CREB5: variants seen among roughly 807,000 people sequenced by gnomAD.
CREB5 encodes cyclic AMP-responsive element-binding protein 5.
CREB5 carries 19 observed loss-of-function variants against 57.1 expected under a neutral mutation model. The ratio of observed to expected loss-of-function variants is 0.33; its 90% CI spans 0.23 to 0.49. The LOEUF (loss-of-function observed/expected upper bound fraction) is 0.49, where lower values mean the gene tolerates loss of function less well. CREB5 is among the 20% of genes least tolerant of loss of function. The probability of loss-of-function intolerance (pLI) is 0.99; values close to 1 mark genes in which losing one functional copy is unlikely to be tolerated. For synonymous variants in CREB5, 238 were observed against 238.3 expected (o/e 1.00, Z 0.01); for missense variants, 579 against 671.6 (o/e 0.86, Z 1.52).
intron 9 of CREB5, among the ~76,000 whole-genome samples, chr7:28,810,515 A>G (rs1449058357): frequency 1.3e-5 from 2 of 152,078 alleles, no homozygotes; most frequent in Non-Finnish European, 2.9e-5. Context: ...CAAGGTGCAG[A>G]AACCCCGTCT....
intron 6 of CREB5, among the ~76,000 whole-genome samples, chr7:28,723,008 C>T (rs1025159030): frequency 3.3e-5 from 5 of 152,230 alleles, no homozygotes; most frequent in Non-Finnish European, 5.9e-5. Context: ...TCTCAAGCTT[C>T]ACTCTTGTTC....
At chr7:28,690,931 A>G (rs1801216368) in intron 5 of CREB5, among the ~76,000 whole-genome samples, 1 of 152,174 alleles carries the variant, frequency 6.6e-6, no homozygotes, top group South Asian at 2.1e-4. Context: ...GACCATTCTG[A>G]CTAAAGTGAG....
chr7:28,609,626 C>A (rs1470638280), intron 5 of CREB5, among the ~76,000 whole-genome samples: 1 of 152,186 alleles, frequency 6.6e-6, no homozygotes, highest in Non-Finnish European at 1.5e-5. Context: ...AATGAGCTGG[C>A]TTTTCCTTTT....
At chr7:28,582,506 G>C (rs996893860) in intron 5 of CREB5, among the ~76,000 whole-genome samples, 14 of 152,122 alleles carry the variant, frequency 9.2e-5, no homozygotes, top group African/African-American at 3.1e-4. Context: ...TTGTTTTCAA[G>C]GTGTTTCCAT....
intron 4 of CREB5, among the ~76,000 whole-genome samples, chr7:28,569,249 C>G (rs1019673533): frequency 3.3e-5 from 5 of 151,786 alleles, no homozygotes; most frequent in African/African-American, 4.8e-5. Flanking sequence ...ACTGCAGCCT[C>G]AAACTCCTGG....
chr7:28,453,309 C>T lies in CREB5; in HGVS notation c.4-34866C>T, dbSNP rs527366409. 2.6e-4 allele frequency among the ~76,000 whole-genome samples: 39 copies of T among 152,116 alleles called. 2 individuals carry two copies. Among genetic ancestry groups the T allele is most frequent in the African/African-American group, 8.9e-4 (37 of 41,496 alleles). On this transcript the variant is annotated intron_variant, in intron 1 of 10. Coordinates refer to ENST00000357727, the MANE Select transcript of CREB5 (RefSeq NM_182898.4). ...ACAAAATTAGCTGGGCATGGTGGCA[C>T]ACGCCTGTAGTCCTGGCTACTCTGG...
chr7:28,747,721 C>A (rs1431143868), intron 7 of CREB5, among the ~76,000 whole-genome samples: 3 of 152,232 alleles, frequency 2.0e-5, no homozygotes. Context: ...CAGCCTGACA[C>A]AGTGCCTGTC....
chr7:28,412,989 G>A, intron 1 of CREB5, 72 bp downstream of exon 1: 2 of 1,265,276 alleles, frequency 1.6e-6, no homozygotes, highest in South Asian at 4.4e-5. Context: ...AACCAATGTT[G>A]TATTTTCATA....
chr7:28,412,982 C>A, intron 1 of CREB5, 65 bp downstream of exon 1: 2 of 1,293,022 alleles, frequency 1.5e-6, no homozygotes, highest in South Asian at 4.3e-5. Flanking sequence ...TAAATAGAAC[C>A]AATGTTGTAT....
intron 4 of CREB5, among the ~76,000 whole-genome samples, chr7:28,546,209 T>C (rs1562787734): frequency 6.6e-6 from 1 of 152,242 alleles, no homozygotes; most frequent in Non-Finnish European, 1.5e-5. Context: ...CATGTTGTAG[T>C]ATGTGTCAGA....
chr7:28,802,077 T>TGA (rs1808403371), intron 7 of CREB5, among the ~76,000 whole-genome samples: 1 of 10,830 alleles, frequency 9.2e-5, no homozygotes, highest in African/African-American at 2.9e-4. Context: ...AGACTCCATC[T>TGA]GAAAAAAAAA....
intron 5 of CREB5, among the ~76,000 whole-genome samples, chr7:28,578,931 G>C (rs1263435051): frequency 6.6e-6 from 1 of 152,118 alleles, no homozygotes; most frequent in Non-Finnish European, 1.5e-5. Flanking sequence ...CATCCAATTT[G>C]ATCTCAAATT....
intron 5 of CREB5, among the ~76,000 whole-genome samples, chr7:28,596,911 G>A (rs968317909): frequency 6.6e-6 from 1 of 152,108 alleles, no homozygotes; most frequent in African/African-American, 2.4e-5. Flanking sequence ...TTAATGTCAT[G>A]TGAACCTTAG....
chr7:28,530,488 T>C (rs990822199), intron 4 of CREB5, among the ~76,000 whole-genome samples: 2 of 152,148 alleles, frequency 1.3e-5, no homozygotes, highest in Admixed American at 6.5e-5. Flanking sequence ...ACTGAAAAGC[T>C]GAAAAAACAT....
Position 28,457,471 on chromosome 7 carries a change from A to C in CREB5, c.4-30704A>C, listed in dbSNP as rs75201460. ...TGGATCTGGAGAGTAGCTGACCTGAAAACAGTCTTCATCTTTCCGCCAAAA... is the reference window on the plus strand; with the variant it reads ...TGGATCTGGAGAGTAGCTGACCTGACAACAGTCTTCATCTTTCCGCCAAAA... On this transcript the variant is annotated intron_variant, in intron 1 of 10. Coordinates refer to ENST00000357727, the MANE Select transcript of CREB5 (RefSeq NM_182898.4). 2.6e-5 allele frequency among the ~76,000 whole-genome samples: 4 copies of C among 152,280 alleles called. No homozygotes were observed. In the East Asian group the frequency reaches 7.7e-4, roughly 29 times the overall value.
intron 1 of CREB5, among the ~76,000 whole-genome samples, chr7:28,449,394 C>T (rs1789672628): frequency 6.6e-6 from 1 of 152,200 alleles, no homozygotes; most frequent in Non-Finnish European, 1.5e-5. Flanking sequence ...TCCATTATTG[C>T]TTTCGCTATT....
intron 3 of CREB5, among the ~76,000 whole-genome samples, chr7:28,507,196 C>T (rs1339725011): frequency 1.3e-5 from 2 of 151,962 alleles, no homozygotes; most frequent in African/African-American, 2.4e-5. Context: ...TTCTTTCCAG[C>T]CCCCTGAAGT....
chr7:28,801,390 A>G (rs1160064918), intron 7 of CREB5, among the ~76,000 whole-genome samples: 1 of 152,242 alleles, frequency 6.6e-6, no homozygotes, highest in Non-Finnish European at 1.5e-5. Flanking sequence ...AAAAGGCATG[A>G]TGATTTCAAC....
chr7:28,686,228 T>G, intron 5 of CREB5: 1 of 1,574,712 alleles, frequency 6.4e-7, no homozygotes, highest in African/African-American at 1.3e-5. Flanking sequence ...TCTTTTCTCC[T>G]GATTTTATAG....
Sources: allele counts gnomAD v4.1 joint callset (sites outside exome capture counted in the v4.1 genomes callset), GRCh38; gene constraint gnomAD v4.1.1; transcripts MANE v1.5; gene names NCBI Gene and HGNC (gene_info 2026-07-23, HGNC 2026-07-21).